ILDR2: variants seen among roughly 807,000 people sequenced by gnomAD.
ILDR2 encodes immunoglobulin like domain containing receptor 2.
In ILDR2, 25 loss-of-function variants were observed where a neutral mutation model predicts 66.8. The ratio of observed to expected loss-of-function variants is 0.37; its 90% CI spans 0.27 to 0.52. The LOEUF is 0.52. Ranked by LOEUF, ILDR2 falls within the 20% of genes least tolerant of loss-of-function variation. The probability of loss-of-function intolerance (pLI) is 0.88; values close to 1 mark genes in which losing one functional copy is unlikely to be tolerated. For synonymous variants in ILDR2, 367 were observed against 357.2 expected, an observed-to-expected ratio of 1.03 and a Z score of -0.31; for missense variants, 827 against 876.8, an observed-to-expected ratio of 0.94 and a Z score of 0.72.
intron 2 of ILDR2, among the ~76,000 whole-genome samples, chr1:166,957,359 A>C (rs1662340807): frequency 6.6e-6 from 1 of 152,186 alleles, no homozygotes; most frequent in Non-Finnish European, 1.5e-5. Flanking sequence ...TGTTATTTGT[A>C]TGCATACGTC....
At chr1:166,950,525 G>A (rs903118630) in intron 3 of ILDR2, among the ~76,000 whole-genome samples, 1 of 152,100 alleles carries the variant, frequency 6.6e-6, no homozygotes, top group Non-Finnish European at 1.5e-5. Context: ...ACAGGGGTAG[G>A]TGTGGGGGCA....
chr1:166,896,596 G>T (rs1659171088), intron 2 of ILDR2, among the ~76,000 whole-genome samples: 1 of 147,526 alleles, frequency 6.8e-6, no homozygotes, highest in Admixed American at 6.7e-5. Context: ...TAGAAATTTT[G>T]GATCAAATAA....
At chr1:166,951,193 T>C (rs1661958649) in intron 3 of ILDR2, among the ~76,000 whole-genome samples, 1 of 152,158 alleles carries the variant, frequency 6.6e-6, no homozygotes, top group Non-Finnish European at 1.5e-5. Context: ...AACAGGACTT[T>C]TACTGAAACT....
intron 3 of ILDR2, among the ~76,000 whole-genome samples, chr1:166,940,571 C>G (rs1429207570): frequency 6.6e-6 from 1 of 152,120 alleles, no homozygotes; most frequent in Non-Finnish European, 1.5e-5. Context: ...CTGACATATA[C>G]CTCTAGAACA....
Position 166,920,897 on chromosome 1 carries a change from T to G in ILDR2, c.1694A>C (p.Tyr565Ser). The change falls in exon 9 of 10, where the codon TAC (tyrosine) becomes TCC (serine). Residue 565 changes from tyrosine (Y) to serine (S), a missense_variant. By Grantham distance (144) the Tyr-to-Ser change is moderately radical. Coordinates refer to ENST00000271417, the MANE Select transcript of ILDR2 (RefSeq NM_199351.3). ...GGTGCCGGGCGGCGACCAAGCGTAG[T>G]AGGAGGCGCTGCGCGGGCCGAGCTG... ...SAQLGPRSAS[Y>S]YAWSPPGTYK... The G allele has an allele frequency of 6.7e-7, 1 of 1,482,106 alleles. No homozygotes were observed. The allele number at this position is 1,482,106 out of a possible 1,614,324, so 91.8% of individuals were successfully genotyped here. A position where few individuals can be genotyped will look rare whatever the true frequency, so the allele number is the denominator to read the frequency against.
intron 3 of ILDR2, among the ~76,000 whole-genome samples, chr1:166,948,178 C>A (rs527393155): frequency 6.7e-6 from 1 of 150,368 alleles, no homozygotes; most frequent in African/African-American, 2.5e-5. Flanking sequence ...ACACTAATTT[C>A]CCCCCCAACC....
intron 2 of ILDR2, among the ~76,000 whole-genome samples, chr1:166,898,096 C>T (rs116847296): frequency 1.3e-5 from 2 of 152,266 alleles, no homozygotes; most frequent in East Asian, 3.9e-4. Flanking sequence ...AATGACTCCA[C>T]AGTTTCTAGA....
rs1390803403 is a variant in ILDR2, at chr1:166,921,652, C to T, written c.1212-273G>A. Among the ~76,000 whole-genome samples, 1 of 152,180 alleles carries T rather than the reference C, an allele frequency of 6.6e-6. No homozygotes were observed. The highest frequency in any genetic ancestry group is 2.4e-5 in the African/African-American group (1 of 41,444). On this transcript the variant is annotated intron_variant, in intron 8 of 9. Coordinates refer to ENST00000271417, the MANE Select transcript of ILDR2 (RefSeq NM_199351.3). The surrounding 1 kb of genome is among the most constrained non-coding windows in gnomAD (Gnocchi z 5.3). ...TGTATCCTATGGAATACTGACCCAC[C>T]GTGGGGCTGCCTTCTGGTCATTATG...
In ILDR2 at chr1:166,911,665, A is replaced by AG. The variant is rs1381080052; in HGVS notation, c.*7689_*7690insC. 1 of 151,964 alleles carries AG rather than the reference A, an allele frequency of 6.6e-6. No individual in the cohort carries two copies. Among genetic ancestry groups the AG allele is most frequent in the African/African-American group, 2.4e-5 (1 of 41,432 alleles). 9.4% of individuals were successfully genotyped at this position (151,964 alleles called of 1,614,324 possible). A position where few individuals can be genotyped will look rare whatever the true frequency, so the allele number is the denominator to read the frequency against. Reference sequence around the variant, plus strand: ...ATAAATAAGAGGGCATTGTAAAAAAAAAAAAAGAGTAAGTCACAAGACAAC... The same window carrying AG: ...ATAAATAAGAGGGCATTGTAAAAAAAGAAAAAAGAGTAAGTCACAAGACAAC... On this transcript the variant is annotated 3_prime_UTR_variant, in exon 10 of 10. Transcript: ENST00000271417.
intron 2 of ILDR2, among the ~76,000 whole-genome samples, chr1:166,957,124 C>T (rs889596979): frequency 2.6e-5 from 4 of 152,196 alleles, no homozygotes; most frequent in Non-Finnish European, 4.4e-5. Flanking sequence ...TAGGAGATGG[C>T]TTTGAACCAG....
intron 6 of ILDR2, among the ~76,000 whole-genome samples, chr1:166,928,182 T>C (rs925575914): frequency 6.6e-6 from 1 of 152,230 alleles, no homozygotes; most frequent in Non-Finnish European, 1.5e-5. Context: ...TGCTAAATGC[T>C]TTACATGGAC....
intron 1 of ILDR2, 130 bp downstream of exon 1, chr1:166,975,093 T>C: frequency 2.8e-6 from 2 of 716,922 alleles, no homozygotes; most frequent in Non-Finnish European, 5.0e-6. Context: ...TCCCCCACTT[T>C]CCACCAGACC....
chr1:166,950,827 T>C (rs113577097), intron 3 of ILDR2, among the ~76,000 whole-genome samples: 75 of 151,768 alleles, frequency 4.9e-4, no homozygotes, highest in African/African-American at 1.7e-3. Flanking sequence ...CAGGAGGAGA[T>C]AGAAGAAAAA....
chr1:166,947,528 CTGAATAGCGGCA>C (rs1661697473), intron 3 of ILDR2, among the ~76,000 whole-genome samples: 1 of 152,254 alleles, frequency 6.6e-6, no homozygotes, highest in African/African-American at 2.4e-5. Flanking sequence ...GCCTGCACGC[CTGAATAGCGGCA>C]GCTGGCTTTG....
chr1:166,915,738 T>G lies in ILDR2; in HGVS notation c.*3617A>C, dbSNP rs1040649785. 3 of 152,214 alleles carry G rather than the reference T, an allele frequency of 2.0e-5. 1 individual carries two copies. Among genetic ancestry groups the G allele is most frequent in the Admixed American group, 1.3e-4 (2 of 15,290 alleles). The allele number at this position is 152,214 out of a possible 1,614,324, so 9.4% of individuals were successfully genotyped here. A position where few individuals can be genotyped will look rare whatever the true frequency, so the allele number is the denominator to read the frequency against. On this transcript the variant is annotated 3_prime_UTR_variant, in exon 10 of 10. Coordinates refer to ENST00000271417, the MANE Select transcript of ILDR2 (RefSeq NM_199351.3). ...TCTAATCAGACTACCTATGTGAAAT[T>G]TTGTGGACTATTCAGAAATATTTAC...
downstream of ILDR2, among the ~76,000 whole-genome samples, chr1:166,906,688 G>A (rs992905708): frequency 6.6e-6 from 1 of 152,228 alleles, no homozygotes; most frequent in Non-Finnish European, 1.5e-5. Context: ...TAAGCAGAAA[G>A]TGGCAAAGTC....
intron 1 of ILDR2, among the ~76,000 whole-genome samples, chr1:166,968,402 C>A (rs1012927617): frequency 3.9e-5 from 6 of 152,058 alleles, no homozygotes; most frequent in Non-Finnish European, 8.8e-5. Flanking sequence ...TCACAGTACC[C>A]CAAAGAATCA....
intron 7 of ILDR2, among the ~76,000 whole-genome samples, chr1:166,923,043 TG>T (rs1389569613): frequency 6.6e-6 from 1 of 152,202 alleles, no homozygotes; most frequent in Non-Finnish European, 1.5e-5. Flanking sequence ...GCTCTGTTCT[TG>T]GAATAGGAGA....
Position 166,916,237 on chromosome 1 carries a change from T to C in ILDR2, c.*3118A>G, listed in dbSNP as rs910652299. ...ATTCACCTCTTTTCAGTTCAGACTTTTGAGTATTGGCTTTTCAGATCACCA... is the reference window on the plus strand; with the variant it reads ...ATTCACCTCTTTTCAGTTCAGACTTCTGAGTATTGGCTTTTCAGATCACCA... On this transcript the variant is annotated 3_prime_UTR_variant, in exon 10 of 10. Coordinates refer to ENST00000271417, the MANE Select transcript of ILDR2 (RefSeq NM_199351.3). The C allele has an allele frequency of 2.0e-5, 3 of 152,200 alleles. No homozygotes were observed. The highest frequency in any genetic ancestry group is 1.3e-4 in the Admixed American group (2 of 15,280). 9.4% of individuals were successfully genotyped at this position (152,200 alleles called of 1,614,324 possible).
Sources: allele counts gnomAD v4.1 joint callset (sites outside exome capture counted in the v4.1 genomes callset), GRCh38; gene constraint gnomAD v4.1.1; non-coding constraint Gnocchi (gnomAD v3.1); transcripts MANE v1.5; gene names NCBI Gene and HGNC (gene_info 2026-07-23, HGNC 2026-07-21).